BACE1: variants seen among roughly 807,000 people sequenced by gnomAD.
BACE1 encodes beta-secretase 1, also known as APP beta-secretase.
BACE1 carries 21 observed loss-of-function variants against 54.0 expected under a neutral mutation model. The ratio of observed to expected loss-of-function variants is 0.39; its 90% CI spans 0.28 to 0.56. BACE1 has a LOEUF of 0.56. Among genes scored for constraint, BACE1 ranks in the 20% least tolerant of loss-of-function variants. The pLI is 0.63. For synonymous variants in BACE1, 232 were observed against 260.9 expected (o/e 0.89, Z 1.07); for missense variants, 511 against 661.2 (o/e 0.77, Z 2.49).
intron 1 of BACE1, among the ~76,000 whole-genome samples, chr11:117,306,287 A>T (rs2034831880): frequency 1.3e-5 from 2 of 152,106 alleles, no homozygotes; most frequent in Admixed American, 1.3e-4. Flanking sequence ...GCTATTCGCC[A>T]CCTGTTTTTC....
intron 1 of BACE1, among the ~76,000 whole-genome samples, chr11:117,304,200 T>A (rs1315097619): frequency 6.6e-6 from 1 of 152,206 alleles, no homozygotes; most frequent in Non-Finnish European, 1.5e-5. Flanking sequence ...ATTGCCCTCT[T>A]GGAACGCTGT....
intron 1 of BACE1, among the ~76,000 whole-genome samples, chr11:117,309,715 A>G (rs1051913363): frequency 1.3e-5 from 2 of 152,156 alleles, no homozygotes; most frequent in African/African-American, 2.4e-5. Flanking sequence ...TCTATGTCTC[A>G]CATCAGATTG....
rs926869511 is a variant in BACE1 at position 117,288,602 on chromosome 11, G to C, written c.*964C>G. The C allele has an allele frequency of 1.3e-5, 2 of 152,626 alleles. No homozygotes were observed. Among genetic ancestry groups the C allele is most frequent in the African/African-American group, 4.8e-5 (2 of 41,446 alleles). 9.5% of individuals were successfully genotyped at this position (152,626 alleles called of 1,614,324 possible). A position where few individuals can be genotyped will look rare whatever the true frequency, so the allele number is the denominator to read the frequency against. The stretch of plus-strand genomic sequence containing the variant: ...AGCCCAGCCCTGCTATAGTCCAGTT[G>C]CTCTCCCACAGGGCACCTGGAGCTT... On this transcript the variant is annotated 3_prime_UTR_variant, in exon 9 of 9. Coordinates refer to ENST00000313005, the MANE Select transcript of BACE1 (RefSeq NM_012104.6).
At chr11:117,297,655 A>AGTT (rs1368471271) in intron 1 of BACE1, among the ~76,000 whole-genome samples, 8 of 152,102 alleles carry the variant, frequency 5.3e-5, no homozygotes, top group Non-Finnish European at 1.0e-4. Flanking sequence ...TGGCAAAAAT[A>AGTT]GTTATGGGAG....
Position 117,288,237 on chromosome 11 carries a change from C to T in BACE1, c.*1329G>A, listed in dbSNP as rs2034315186. On this transcript the variant is annotated 3_prime_UTR_variant, in exon 9 of 9. Coordinates refer to ENST00000313005, the MANE Select transcript of BACE1 (RefSeq NM_012104.6). ...CTCCAGGCAGCCTTGATACTGAAGG[C>T]AGTAATGTTAGAGCCATAAAGCACT... The T allele has an allele frequency of 6.6e-6, 1 of 152,220 alleles. No individual in the cohort carries two copies. Among genetic ancestry groups the T allele is most frequent in the South Asian group, 2.1e-4 (1 of 4,830 alleles). The allele number at this position is 152,220 out of a possible 1,614,324, so 9.4% of individuals were successfully genotyped here.
At chr11:117,297,018 C>T in intron 1 of BACE1, 57 bp from the exon 2 acceptor site, 1 of 1,275,528 alleles carries the variant, frequency 7.8e-7, no homozygotes, top group Non-Finnish European at 1.1e-6. Context: ...GGTCACACCA[C>T]CTTTATTATC....
rs199753343 is a variant in BACE1, at chr11:117,310,973, AC to A, written c.261+4561del. On this transcript the variant is annotated intron_variant, in intron 1 of 8. Transcript: ENST00000313005. ...CTGCTAGACACTGTGAGTGATAAAG[AC>A]CTTTTTTTTTTTTTTTCTTTTTTGG... Among the ~76,000 whole-genome samples, 437 of 145,750 alleles carry A rather than the reference AC, an allele frequency of 3.0e-3. 14 individuals are homozygous for A. In the East Asian group the frequency reaches 0.031, roughly 10 times the overall value.
chr11:117,286,177 G>T lies in BACE1; in HGVS notation c.*3389C>A, dbSNP rs1047964. ...TTAATTTTTGAAGCAAGAAAGTTAG[G>T]GGGGGACATATTTCCTGTCCTGGGA... is the stretch of plus-strand genomic sequence containing the variant. On this transcript the variant is annotated 3_prime_UTR_variant, in exon 9 of 9. Transcript: ENST00000313005. 1,046 of 152,674 alleles carry T rather than the reference G, an allele frequency of 6.9e-3. 6 individuals are homozygous for T. Among genetic ancestry groups the T allele is most frequent in the Non-Finnish European group, 0.011 (728 of 68,004 alleles). The allele number at this position is 152,674 out of a possible 1,614,324, so 9.5% of individuals were successfully genotyped here.
At chr11:117,303,917 A>G (rs1007736047) in intron 1 of BACE1, among the ~76,000 whole-genome samples, 2 of 152,214 alleles carry the variant, frequency 1.3e-5, no homozygotes, top group African/African-American at 4.8e-5. Flanking sequence ...AACTTCACCC[A>G]TCTTACACAT....
At chr11:117,299,444 C>T (rs1389249048) in intron 1 of BACE1, among the ~76,000 whole-genome samples, 54 of 152,142 alleles carry the variant, frequency 3.5e-4, no homozygotes, top group Admixed American at 3.5e-3. Flanking sequence ...CAGATCCTCT[C>T]TGGCTCCTTC....
rs2034563511 is a variant in BACE1 at position 117,295,097 on chromosome 11, TAG to T, written c.567+32_567+33del. On this transcript the variant is annotated intron_variant, in intron 3 of 8. Coordinates refer to ENST00000313005, the MANE Select transcript of BACE1 (RefSeq NM_012104.6). ...CCTTCTCTGTATAGTGCAGTGTGCA[TAG>T]AGTGTGTAGGGCCAAGCCCTGTTCC... is the stretch of plus-strand genomic sequence containing the variant. 5 of 1,573,372 alleles carry T rather than the reference TAG, an allele frequency of 3.2e-6. No individual in the cohort carries two copies. In the South Asian group the frequency reaches 4.4e-5, roughly 14 times the overall value.
intron 1 of BACE1, among the ~76,000 whole-genome samples, chr11:117,309,207 G>A (rs953564514): frequency 3.9e-5 from 6 of 152,132 alleles, no homozygotes; most frequent in African/African-American, 2.4e-5. Context: ...CATGTCTAGA[G>A]TCATGATGCT....
intron 1 of BACE1, among the ~76,000 whole-genome samples, chr11:117,305,867 C>T (rs2034822499): frequency 6.6e-6 from 1 of 151,944 alleles, no homozygotes. Flanking sequence ...AACCCCGTCT[C>T]CACTAAAAAA....
chr11:117,295,604 CT>C, intron 2 of BACE1: 2 of 1,535,534 alleles, frequency 1.3e-6, no homozygotes. Context: ...AGCTCAGGCC[CT>C]GTGAAGAACA....
At position 117,316,162 on chromosome 11, in the gene BACE1, T is replaced by C. The variant is rs942400154; in HGVS notation, c.-367A>G. 5 of 399,666 alleles carry C rather than the reference T, an allele frequency of 1.3e-5. No homozygotes were observed. Among genetic ancestry groups the C allele is most frequent in the African/African-American group, 2.1e-5 (1 of 48,456 alleles). 24.8% of individuals were successfully genotyped at this position (399,666 alleles called of 1,614,324 possible). On this transcript the variant is annotated 5_prime_UTR_variant, in exon 1 of 9. Coordinates refer to ENST00000313005, the MANE Select transcript of BACE1 (RefSeq NM_012104.6). ...CGGCGGCGCGGGCAGGGGCAAGGGCTCCGGGCTCCTGCGGCTGCGTTGGCT... is the reference window on the plus strand; with the variant it reads ...CGGCGGCGCGGGCAGGGGCAAGGGCCCCGGGCTCCTGCGGCTGCGTTGGCT...
At position 117,291,008 on chromosome 11, in the gene BACE1, C is replaced by A; in HGVS notation, c.984G>T (p.Leu328=). 6.2e-7 allele frequency: 1 copy of A among 1,614,180 alleles called. No individual in the cohort carries two copies. Among genetic ancestry groups the A allele is most frequent in the Non-Finnish European group, 8.5e-7 (1 of 1,180,032 alleles). Residue 328 remains leucine (L), a synonymous_variant, in exon 7 of 9, where the codon CTG becomes CTT. Transcript: ENST00000313005. ...FPDGFWLGEQ[L]VCWQAGTTPW... Reference sequence around the variant, plus strand: ...GGGTGGTGCCTGCTTGCCAGCACACCAGCTGCTCTCCTAGCCAGAAACCAT... The same window carrying A: ...GGGTGGTGCCTGCTTGCCAGCACACAAGCTGCTCTCCTAGCCAGAAACCAT...
chr11:117,300,398 G>A lies in BACE1; in HGVS notation c.262-3437C>T, dbSNP rs146883848. ...TTCTGGTCCTGTCCTTCAGCGCTTCGAATGGGAGCCCTGGCCAGTCCCGGC... is the reference window on the plus strand; with the variant it reads ...TTCTGGTCCTGTCCTTCAGCGCTTCAAATGGGAGCCCTGGCCAGTCCCGGC... On this transcript the variant is annotated intron_variant, in intron 1 of 8. Coordinates refer to ENST00000313005, the MANE Select transcript of BACE1 (RefSeq NM_012104.6). Among the ~76,000 whole-genome samples, 1,024 of 152,270 alleles carry A rather than the reference G, an allele frequency of 6.7e-3. 9 individuals are homozygous for A. Among genetic ancestry groups the A allele is most frequent in the African/African-American group, 0.024 (982 of 41,536 alleles).
chr11:117,291,107 C>G, intron 6 of BACE1, 58 bp from the exon 7 acceptor site: 1 of 1,583,838 alleles, frequency 6.3e-7, no homozygotes, highest in Non-Finnish European at 8.6e-7. Flanking sequence ...TCTCGCCCCT[C>G]CCATGTTCAG....
In BACE1 at chr11:117,316,216, C is replaced by G. The variant is rs1455483834; in HGVS notation, c.-421G>C. On this transcript the variant is annotated 5_prime_UTR_variant, in exon 1 of 9. Transcript: ENST00000313005. Reference sequence around the variant, plus strand: ...CAGGCCACCATAATCCAGCTCGCGGCTCGCAGCTCCCGGGCGGGCTGGGGA... The same window carrying G: ...CAGGCCACCATAATCCAGCTCGCGGGTCGCAGCTCCCGGGCGGGCTGGGGA... 1 of 436,376 alleles carries G rather than the reference C, an allele frequency of 2.3e-6. No homozygotes were observed. Among genetic ancestry groups the G allele is most frequent in the Non-Finnish European group, 4.1e-6 (1 of 244,766 alleles). 27.0% of individuals were successfully genotyped at this position (436,376 alleles called of 1,614,324 possible).
Sources: gnomAD v4.1 joint callset for allele counts (sites outside exome capture counted in the v4.1 genomes callset) on GRCh38, gnomAD v4.1.1 for gene constraint, MANE v1.5 for transcripts, NCBI Gene and HGNC (gene_info 2026-07-23, HGNC 2026-07-21) for gene names.